The following AAMDC variants were observed in gnomAD, a reference collection of about 807,000 sequenced individuals.
The protein encoded by AAMDC is mth938 domain-containing protein.
A neutral mutation model predicts 15.5 loss-of-function variants in AAMDC; 16 were observed. That is an observed-to-expected ratio of 1.03 (90% CI 0.70 to 1.57). The LOEUF is 1.57. Among genes scored for constraint, AAMDC ranks in the 40% most tolerant of loss-of-function variants. The pLI, the probability that AAMDC is intolerant of heterozygous loss-of-function variation, is 0.00. For missense variants in AAMDC, 141 were observed against 144.9 expected (o/e 0.97, Z 0.14); for synonymous variants, 51 against 51.6 (o/e 0.99, Z 0.05).
downstream of AAMDC, chr11:77,903,586 G>C: frequency 8.1e-6 from 13 of 1,613,892 alleles, no homozygotes; most frequent in Non-Finnish European, 1.1e-5. Context: ...CAAATACAAA[G>C]GGGCAGCTAC....
chr11:77,894,781 C>T (rs538596531), intron 5 of AAMDC, among the ~76,000 whole-genome samples: 1 of 152,290 alleles, frequency 6.6e-6, no homozygotes, highest in Admixed American at 6.5e-5. Flanking sequence ...GATGAAAGCT[C>T]CCAGATAGCT....
At position 77,837,411 on chromosome 11, in the gene AAMDC, C is replaced by G. The variant is rs147665741; in HGVS notation, c.-18-5068C>G. ...TCGGCCTCCCAAAATGCTGGCATCACAGATGTAAGCCACTGCGCCCGTCCC... is the reference window on the plus strand; with the variant it reads ...TCGGCCTCCCAAAATGCTGGCATCAGAGATGTAAGCCACTGCGCCCGTCCC... On this transcript the variant is annotated intron_variant, in intron 1 of 3. Coordinates refer to ENST00000393427, the MANE Select transcript of AAMDC (RefSeq NM_024684.4). Among the ~76,000 whole-genome samples the G allele has an allele frequency of 1.1e-3, 159 of 150,246 alleles. 1 individual carries two copies. Among genetic ancestry groups the G allele is most frequent in the African/African-American group, 3.8e-3 (155 of 40,862 alleles).
At chr11:77,894,384 A>T (rs1952418861) in intron 5 of AAMDC, 1 of 1,252,026 alleles carries the variant, frequency 8.0e-7, no homozygotes, top group East Asian at 2.4e-5. Flanking sequence ...TTTGCTTGTG[A>T]AATCTGCAAA....
downstream of AAMDC, among the ~76,000 whole-genome samples, chr11:77,877,218 G>T (rs1951623559): frequency 6.6e-6 from 1 of 151,694 alleles, no homozygotes; most frequent in Non-Finnish European, 1.5e-5. Context: ...AACTTCAGCT[G>T]CCTTGTTTAT....
At chr11:77,849,304 C>A (rs1950274210) in intron 2 of AAMDC, among the ~76,000 whole-genome samples, 1 of 152,168 alleles carries the variant, frequency 6.6e-6, no homozygotes, top group South Asian at 2.1e-4. Context: ...TCACTGCAAC[C>A]TCTGACTCCC....
intron 1 of AAMDC, chr11:77,832,072 C>T (rs1228686999): frequency 6.6e-6 from 1 of 151,650 alleles, no homozygotes; most frequent in Non-Finnish European, 1.5e-5. Context: ...CATCTTGTGA[C>T]TTCATTTTCT....
chr11:77,846,621 G>A (rs1471249833), intron 2 of AAMDC, among the ~76,000 whole-genome samples: 5 of 152,180 alleles, frequency 3.3e-5, no homozygotes, highest in South Asian at 2.1e-4. Context: ...CAGGAGAATC[G>A]CTTGAACCCG....
At chr11:77,853,997 T>C (rs1393495699) in intron 2 of AAMDC, among the ~76,000 whole-genome samples, 1 of 150,240 alleles carries the variant, frequency 6.7e-6, no homozygotes, top group Non-Finnish European at 1.5e-5. Context: ...CAAATTCTTT[T>C]TTTTTTTTTT....
downstream of AAMDC, among the ~76,000 whole-genome samples, chr11:77,901,976 G>C (rs1177137327): frequency 6.6e-6 from 1 of 152,134 alleles, no homozygotes; most frequent in South Asian, 2.1e-4. Flanking sequence ...CTGACAGACT[G>C]TTCCATGGGC....
intron 5 of AAMDC, chr11:77,891,842 T>C (rs752824591): frequency 3.1e-6 from 5 of 1,611,018 alleles, no homozygotes; most frequent in Non-Finnish European, 3.4e-6. Context: ...ATGAAATACC[T>C]GGAGGAACAA....
chr11:77,874,132 T>C (rs1951533106), downstream of AAMDC, among the ~76,000 whole-genome samples: 1 of 152,206 alleles, frequency 6.6e-6, no homozygotes, highest in Non-Finnish European at 1.5e-5. Flanking sequence ...GCACTGTGTC[T>C]TTATCAGTTT....
chr11:77,871,971 C>A (rs1951450302), intron 3 of AAMDC, among the ~76,000 whole-genome samples: 1 of 152,176 alleles, frequency 6.6e-6, no homozygotes, highest in Admixed American at 6.5e-5. Flanking sequence ...GAGCTTTATG[C>A]ATGGGTATTA....
rs111979972 is a variant in AAMDC at position 77,869,294 on chromosome 11, GT to G, written c.133-425del. 5.5e-3 allele frequency: 819 copies of G among 149,308 alleles called. 5 individuals are homozygous for G. Among genetic ancestry groups the G allele is most frequent in the African/African-American group, 0.019 (714 of 36,746 alleles). 9.2% of individuals were successfully genotyped at this position (149,308 alleles called of 1,614,324 possible). On this transcript the variant is annotated intron_variant, in intron 2 of 3. Coordinates refer to ENST00000393427, the MANE Select transcript of AAMDC (RefSeq NM_024684.4). ...TGGAATGCCTTGTTTCCCGGATTTC[GT>G]TTATTTATCTCTTTTTCTTTTTTTT...
intron 5 of AAMDC, among the ~76,000 whole-genome samples, chr11:77,893,764 G>A (rs1161270995): frequency 1.3e-5 from 2 of 152,010 alleles, no homozygotes; most frequent in Non-Finnish European, 2.9e-5. Context: ...GTGGTGGCAG[G>A]CACCTGTAGT....
At chr11:77,865,784 A>C (rs1951082118) in intron 2 of AAMDC, among the ~76,000 whole-genome samples, 1 of 152,232 alleles carries the variant, frequency 6.6e-6, no homozygotes, top group Non-Finnish European at 1.5e-5. Context: ...TATTTTGATA[A>C]TTCCACTTGT....
intron 5 of AAMDC, among the ~76,000 whole-genome samples, chr11:77,890,884 A>C (rs1481885704): frequency 1.3e-5 from 2 of 152,200 alleles, no homozygotes; most frequent in Non-Finnish European, 2.9e-5. Flanking sequence ...TTGGGAAAGA[A>C]TATTTCCTAG....
intron 5 of AAMDC, among the ~76,000 whole-genome samples, chr11:77,900,236 A>ACT (rs1952721577): frequency 6.6e-6 from 1 of 151,926 alleles, no homozygotes; most frequent in Admixed American, 6.6e-5. Flanking sequence ...AGTAGCTGGG[A>ACT]CTACTGGTGC....
chr11:77,873,620 G>A (rs1488773894), downstream of AAMDC, among the ~76,000 whole-genome samples: 1 of 152,196 alleles, frequency 6.6e-6, no homozygotes, highest in Non-Finnish European at 1.5e-5. Flanking sequence ...TATGTTGTAT[G>A]AGAGAAAGAC....
chr11:77,860,011 C>T (rs1232263516), intron 2 of AAMDC, among the ~76,000 whole-genome samples: 1 of 152,196 alleles, frequency 6.6e-6, no homozygotes, highest in Non-Finnish European at 1.5e-5. Context: ...GCTGCCATTA[C>T]CCATAAACAA....
Sources: allele counts gnomAD v4.1 joint callset (sites outside exome capture counted in the v4.1 genomes callset), GRCh38; gene constraint gnomAD v4.1.1; transcripts MANE v1.5; gene names NCBI Gene and HGNC (gene_info 2026-07-23, HGNC 2026-07-21).